Variants in KSR2 observed in about 807,000 individuals in gnomAD.
KSR2 encodes the protein kinase suppressor of ras 2.
In KSR2, 25 loss-of-function variants were observed where a neutral mutation model predicts 107.8. The observed-to-expected ratio is 0.23, with a 90% confidence interval of 0.17 to 0.32. The LOEUF (loss-of-function observed/expected upper bound fraction) is 0.32, where lower values mean the gene tolerates loss of function less well. Ranked by LOEUF, KSR2 falls within the 10% of genes least tolerant of loss-of-function variation. The pLI, the probability that KSR2 is intolerant of heterozygous loss-of-function variation, is 1.00. For synonymous variants in KSR2, 480 were observed against 507.0 expected, an observed-to-expected ratio of 0.95 and a Z score of 0.71; for missense variants, 887 against 1,268.9, an observed-to-expected ratio of 0.70 and a Z score of 4.57.
intron 2 of KSR2, among the ~76,000 whole-genome samples, chr12:117,857,383 C>T (rs893521455): frequency 6.6e-6 from 1 of 152,118 alleles, no homozygotes; most frequent in African/African-American, 2.4e-5. Flanking sequence ...TACAGAATGA[C>T]TCATGTTTGA....
intron 9 of KSR2, among the ~76,000 whole-genome samples, chr12:117,552,736 C>T (rs1425007649): frequency 1.3e-5 from 2 of 152,226 alleles, no homozygotes; most frequent in Non-Finnish European, 2.9e-5. Flanking sequence ...CAGTCTCTGT[C>T]ATGACTACTC....
chr12:117,703,592 G>A (rs999833015), intron 4 of KSR2, among the ~76,000 whole-genome samples: 5 of 152,098 alleles, frequency 3.3e-5, no homozygotes, highest in African/African-American at 9.7e-5. Flanking sequence ...GAAATTGAAC[G>A]TTGAAGTTCT....
chr12:117,749,519 T>C (rs1888538819), intron 4 of KSR2, among the ~76,000 whole-genome samples: 1 of 152,174 alleles, frequency 6.6e-6, no homozygotes, highest in African/African-American at 2.4e-5. Flanking sequence ...AGTTTGTTCC[T>C]GTAAATAATA....
chr12:117,599,674 A>G (rs1053863803), intron 5 of KSR2, among the ~76,000 whole-genome samples: 2 of 152,046 alleles, frequency 1.3e-5, no homozygotes, highest in African/African-American at 2.4e-5. Context: ...AAATATCTCT[A>G]AACATTTCCA....
chr12:117,717,511 C>G (rs539095124), intron 4 of KSR2, among the ~76,000 whole-genome samples: 22 of 152,048 alleles, frequency 1.4e-4, no homozygotes, highest in African/African-American at 5.3e-4. Context: ...AAAGCAAGAC[C>G]CTATCTCAAA....
At chr12:117,649,248 T>A (rs1124246) in intron 5 of KSR2, among the ~76,000 whole-genome samples, 12,154 of 152,256 alleles carry the variant, frequency 0.08, 662 homozygotes, top group African/African-American at 0.13. Context: ...AGAGGGCTTC[T>A]AACCAACTCG....
intron 4 of KSR2, among the ~76,000 whole-genome samples, chr12:117,738,513 A>G (rs899399281): frequency 6.6e-6 from 1 of 152,218 alleles, no homozygotes; most frequent in Admixed American, 6.5e-5. Flanking sequence ...TTATAACACA[A>G]TGGGAAGTAT....
At chr12:117,785,756 A>T (rs1344058300) in intron 3 of KSR2, among the ~76,000 whole-genome samples, 1 of 152,214 alleles carries the variant, frequency 6.6e-6, no homozygotes, top group Non-Finnish European at 1.5e-5. Context: ...TCAAATCCAA[A>T]GAACAGAGAG....
At chr12:117,656,218 T>A (rs1295397655) in intron 5 of KSR2, among the ~76,000 whole-genome samples, 2 of 152,242 alleles carry the variant, frequency 1.3e-5, no homozygotes, top group Non-Finnish European at 2.9e-5. Context: ...TCCTTTATCA[T>A]GTGACATAAG....
intron 4 of KSR2, among the ~76,000 whole-genome samples, chr12:117,696,170 C>G (rs1886051404): frequency 1.3e-5 from 2 of 152,140 alleles, no homozygotes; most frequent in Non-Finnish European, 2.9e-5. Flanking sequence ...CTCCGGCCCA[C>G]TGAAGTACAG....
At chr12:117,470,880 T>C (rs980474784) in intron 18 of KSR2, among the ~76,000 whole-genome samples, 2 of 152,222 alleles carry the variant, frequency 1.3e-5, no homozygotes, top group Non-Finnish European at 2.9e-5. Context: ...TTGTGATGTT[T>C]TAATTCATAT....
chr12:117,505,359 G>T (rs2133682), intron 14 of KSR2, among the ~76,000 whole-genome samples: 1 of 151,986 alleles, frequency 6.6e-6, no homozygotes, highest in Non-Finnish European at 1.5e-5. Context: ...GGCAGCACAT[G>T]GTGGATGTCG....
At chr12:117,742,739 G>T (rs2136790121) in intron 4 of KSR2, among the ~76,000 whole-genome samples, 1 of 152,290 alleles carries the variant, frequency 6.6e-6, no homozygotes, top group Non-Finnish European at 1.5e-5. Flanking sequence ...ACTTTTCCCG[G>T]CTAAGTATTT....
At chr12:117,853,172 T>A (rs573247908) in intron 3 of KSR2, among the ~76,000 whole-genome samples, 1 of 152,190 alleles carries the variant, frequency 6.6e-6, no homozygotes, top group Non-Finnish European at 1.5e-5. Flanking sequence ...GCCACGGGGG[T>A]CCCCAAAGAT....
Position 117,756,252 on chromosome 12 carries a change from G to A in KSR2, c.986+4759C>T, listed in dbSNP as rs963753649. 5.3e-5 allele frequency among the ~76,000 whole-genome samples: 8 copies of A among 152,372 alleles called. No individual in the cohort carries two copies. In the South Asian group the frequency reaches 1.0e-3, roughly 20 times the overall value. ...TCAACGATGCCATCTAGGACTCTCA[G>A]AGCTAGAGAGACGAAGTCAGTGCCT... On this transcript the variant is annotated intron_variant, in intron 4 of 19. Coordinates refer to ENST00000339824, the MANE Select transcript of KSR2 (RefSeq NM_173598.6).
chr12:117,511,834 G>A (rs1874041731), intron 14 of KSR2, among the ~76,000 whole-genome samples: 2 of 152,198 alleles, frequency 1.3e-5, no homozygotes, highest in Non-Finnish European at 2.9e-5. Flanking sequence ...AGTCCCCAGA[G>A]AGGACATGTC....
At chr12:117,713,964 G>A (rs1430605704) in intron 4 of KSR2, among the ~76,000 whole-genome samples, 1 of 152,026 alleles carries the variant, frequency 6.6e-6, no homozygotes, top group African/African-American at 2.4e-5. Context: ...ACTGAGGAGT[G>A]CTAATTATTC....
At chr12:117,834,397 C>T (rs761999352) in intron 3 of KSR2, among the ~76,000 whole-genome samples, 1 of 129,232 alleles carries the variant, frequency 7.7e-6, no homozygotes, top group Non-Finnish European at 1.5e-5. Flanking sequence ...AGTTTGCAGG[C>T]AGCTTTGACA....
chr12:117,619,480 C>T (rs1051325412), intron 5 of KSR2, among the ~76,000 whole-genome samples: 11 of 151,562 alleles, frequency 7.3e-5, no homozygotes, highest in Admixed American at 2.0e-4. Context: ...TTTGTCCTTG[C>T]GATAGTTTGC....
Sources: allele counts gnomAD v4.1 joint callset (sites outside exome capture counted in the v4.1 genomes callset), GRCh38; gene constraint gnomAD v4.1.1; transcripts MANE v1.5; gene names NCBI Gene and HGNC (gene_info 2026-07-23, HGNC 2026-07-21).